ABCA6: variants seen among roughly 807,000 people sequenced by gnomAD.
ABCA6 encodes ATP-binding cassette sub-family A member 6.
Under a neutral mutation model 191.2 loss-of-function variants are expected in ABCA6, and 164 were observed. The ratio of observed to expected loss-of-function variants is 0.86; its 90% CI spans 0.76 to 0.98. ABCA6 has a LOEUF of 0.98. ABCA6 is among the 50% of genes least tolerant of loss of function. The pLI, the probability that ABCA6 is intolerant of heterozygous loss-of-function variation, is 0.00. For missense variants in ABCA6, 1,958 were observed against 1,894.1 expected (o/e 1.03, Z -0.63); for synonymous variants, 636 against 647.7 (o/e 0.98, Z 0.27).
In ABCA6 at chr17:69,114,783, A is replaced by C. The variant is rs1332023068; in HGVS notation, c.1761T>G (p.His587Gln). Residue 587 changes from histidine to glutamine, a missense_variant, in exon 13 of 39, where the codon CAT becomes CAG. His to Gln is a conservative substitution (Grantham distance 24, BLOSUM62 0). Coordinates refer to ENST00000284425, the MANE Select transcript of ABCA6 (RefSeq NM_080284.3). ...LSLFAKIKGI[H>Q]LKEVEQEVQR... ...CTACCTCTTGTTCCACTTCCTTTAG[A>C]TGAATCCCTTTTATTTTAGCAAACA... is the stretch of plus-strand genomic sequence containing the variant. 53 of 1,611,460 alleles carry C rather than the reference A, an allele frequency of 3.3e-5. No homozygotes were observed. Among genetic ancestry groups the C allele is most frequent in the Non-Finnish European group, 4.3e-5 (51 of 1,178,832 alleles).
chr17:69,080,435 A>G (rs1598436482), intron 37 of ABCA6, among the ~76,000 whole-genome samples: 1 of 152,078 alleles, frequency 6.6e-6, no homozygotes, highest in South Asian at 2.1e-4. Context: ...ATTACACCCA[A>G]TGGTCTGCTG....
At position 69,088,219 on chromosome 17, in the gene ABCA6, A is replaced by G; in HGVS notation, c.3646T>C (p.Cys1216Arg). Residue 1216 changes from cysteine to arginine, a missense_variant, in exon 28 of 39, where the codon TGC becomes CGC. Coordinates refer to ENST00000284425, the MANE Select transcript of ABCA6 (RefSeq NM_080284.3). ...TTCTTTCCACATTTTAGTTCCATGC[A>G]TCTTAGAACAAAAACGAATAGCAAA... is the stretch of plus-strand genomic sequence containing the variant. Reference protein sequence around the residue: ...QTLLFVFVLRCMELKCGKKRM... With the variant: ...QTLLFVFVLRRMELKCGKKRM... 2 of 1,612,698 alleles carry G rather than the reference A, an allele frequency of 1.2e-6. No homozygotes were observed. Among genetic ancestry groups the G allele is most frequent in the South Asian group, 1.1e-5 (1 of 90,758 alleles).
At chr17:69,086,821 C>G (rs740516) in intron 29 of ABCA6, 86 bp from the exon 30 acceptor site, 133,009 of 790,288 alleles carry the variant, frequency 0.17, 14,563 homozygotes, top group East Asian at 0.51. Flanking sequence ...ATGTCATAAG[C>G]CAAACCATAT....
chr17:69,083,095 A>T, intron 35 of ABCA6, 82 bp from the exon 36 acceptor site: 1 of 1,584,294 alleles, frequency 6.3e-7, no homozygotes, highest in East Asian at 2.2e-5. Flanking sequence ...AATGTAGAAG[A>T]AAAGGTGTCA....
rs374746478 is a variant in ABCA6, at chr17:69,106,109, C to A, written c.2492G>T (p.Gly831Val). The A allele has an allele frequency of 4.3e-6, 7 of 1,613,768 alleles. No individual in the cohort carries two copies. In the Admixed American group the frequency reaches 1.0e-4, roughly 23 times the overall value. ...GGCAAAGACTTGCATTCTCCAGAGG[C>A]CCATGTCACTCACAGCTGTCTGCAT... ...SEMQTAVSDM[G>V]LWRMQVFAMA... The change falls in exon 19 of 39, where the codon GGC (glycine) becomes GTC (valine). Residue 831 changes from glycine to valine, a missense_variant. Gly to Val is a moderately radical substitution (Grantham distance 109, BLOSUM62 -3). Transcript: ENST00000284425.
intron 17 of ABCA6, chr17:69,109,939 T>C (rs1474530338): frequency 2.0e-5 from 3 of 152,132 alleles, no homozygotes; most frequent in Non-Finnish European, 2.9e-5. Context: ...AAAAAAATCT[T>C]ATGCTGATGC....
Position 69,106,332 on chromosome 17 carries a change from C to A in ABCA6, c.2390-121G>T, listed in dbSNP as rs78327357. ...ACATGGCCAGGCATGGTGGCTTATG[C>A]CTGTAATCCCAGTACTCTGGGAGAC... On this transcript the variant is annotated intron_variant, in intron 18 of 38. Transcript: ENST00000284425. 0.041 allele frequency: 42,093 copies of A among 1,018,742 alleles called. 7,007 individuals are homozygous for A. In the African/African-American group the frequency reaches 0.44, roughly 11 times the overall value. 63.1% of individuals were successfully genotyped at this position (1,018,742 alleles called of 1,614,324 possible).
chr17:69,088,124 G>A lies in ABCA6; in HGVS notation c.3698+43C>T, dbSNP rs748978109. On this transcript the variant is annotated intron_variant, in intron 28 of 38. Transcript: ENST00000284425. ...GATAGCACAGACACCATCTAGGAAT[G>A]TTAAAATATGATATTAAGTATAAAG... 266 of 1,497,806 alleles carry A rather than the reference G, an allele frequency of 1.8e-4. 1 individual carries two copies. Among genetic ancestry groups the A allele is most frequent in the Non-Finnish European group, 1.9e-4 (208 of 1,088,130 alleles). The allele number at this position is 1,497,806 out of a possible 1,614,324, so 92.8% of individuals were successfully genotyped here.
At chr17:69,088,324 T>G in intron 27 of ABCA6, 66 bp from the exon 28 acceptor site, 4 of 1,259,148 alleles carry the variant, frequency 3.2e-6, no homozygotes, top group Non-Finnish European at 4.4e-6. Flanking sequence ...ATATTTGAAT[T>G]AAGTTGGTGG....
At position 69,110,887 on chromosome 17, in the gene ABCA6, T is replaced by C. The variant is rs745888230; in HGVS notation, c.2186A>G (p.His729Arg). Residue 729 changes from histidine (H) to arginine (R), a missense_variant, in exon 17 of 39, where the codon CAT becomes CGT. Coordinates refer to ENST00000284425, the MANE Select transcript of ABCA6 (RefSeq NM_080284.3). ...TTTTAATTTAGCATCGGGGATGTGA[T>C]GAGTAATGAAGGATGTTATTTGTTC... The part of the protein sequence containing the change: ...NPEQITSFIT[H>R]HIPDAKLKTE... 16 of 1,611,852 alleles carry C rather than the reference T, an allele frequency of 9.9e-6. No homozygotes were observed. In the East Asian group the frequency reaches 2.9e-4, roughly 29 times the overall value.
intron 25 of ABCA6, among the ~76,000 whole-genome samples, chr17:69,095,788 T>G (rs2073032508): frequency 6.6e-6 from 1 of 152,192 alleles, no homozygotes; most frequent in Non-Finnish European, 1.5e-5. Flanking sequence ...CCAGCAAAGT[T>G]TTCCATGATT....
intron 21 of ABCA6, 141 bp from the exon 22 acceptor site, chr17:69,101,075 T>G: frequency 1.6e-6 from 1 of 623,978 alleles, no homozygotes; most frequent in Non-Finnish European, 2.7e-6. Flanking sequence ...GAGCTTTACC[T>G]TCCTCATCTA....
intron 21 of ABCA6, 32 bp downstream of exon 21, chr17:69,102,802 GT>G: frequency 3.9e-6 from 6 of 1,552,094 alleles, no homozygotes; most frequent in South Asian, 2.5e-5. Context: ...AGTACTTTTT[GT>G]TTTTTTCATA....
Position 69,113,702 on chromosome 17 carries a change from GT to G in ABCA6, c.1817del (p.Asn606ThrfsTer10), listed in dbSNP as rs760687268. On this transcript the variant is annotated frameshift_variant, in exon 14 of 39. Transcript: ENST00000284425. LOFTEE classifies it high-confidence loss of function. Reference sequence around the variant, plus strand: ...AATGTTTAGCAAGGTTATCTTGAATGTTTTGCATGTCCAATTCCAATAATAT... The same window carrying G: ...AATGTTTAGCAAGGTTATCTTGAATGTTTGCATGTCCAATTCCAATAATAT... ...QRILLELDMQ[N>X]IQDNLAKHLS... The G allele has an allele frequency of 6.2e-7, 1 of 1,612,626 alleles. No individual in the cohort carries two copies. Among genetic ancestry groups the G allele is most frequent in the African/African-American group, 1.3e-5 (1 of 74,950 alleles).
At chr17:69,114,965 G>A in intron 12 of ABCA6, 28 bp from the exon 13 acceptor site, 2 of 1,524,274 alleles carry the variant, frequency 1.3e-6, no homozygotes, top group Non-Finnish European at 1.8e-6. Context: ...AAATAAAATT[G>A]GCAAGATAAT....
chr17:69,133,435 C>T (rs1462887145), intron 6 of ABCA6, among the ~76,000 whole-genome samples: 1 of 152,172 alleles, frequency 6.6e-6, no homozygotes, highest in Non-Finnish European at 1.5e-5. Flanking sequence ...TGGCTTAAGA[C>T]ATTCACGGCA....
At chr17:69,134,797 A>C in intron 4 of ABCA6, 55 bp from the exon 5 acceptor site, 2 of 1,229,596 alleles carry the variant, frequency 1.6e-6, no homozygotes, top group Non-Finnish European at 2.4e-6. Context: ...CAGTTGGAGA[A>C]TATGAAACAA....
At chr17:69,086,787 C>A in intron 29 of ABCA6, 52 bp from the exon 30 acceptor site, 1 of 1,300,722 alleles carries the variant, frequency 7.7e-7, no homozygotes, top group South Asian at 1.2e-5. Context: ...GACTTTAGGT[C>A]TCTGCTGGAA....
Position 69,106,222 on chromosome 17 carries a change from A to G in ABCA6, c.2390-11T>C, listed in dbSNP as rs768802447. ...CCACTTGTTCGAAATCTATAAACAC[A>G]CACATACACAAACACACATATTATA... On this transcript the variant is annotated splice_polypyrimidine_tract_variant and intron_variant, in intron 18 of 38. Transcript: ENST00000284425. 1 of 1,604,896 alleles carries G rather than the reference A, an allele frequency of 6.2e-7. No homozygotes were observed. Among genetic ancestry groups the G allele is most frequent in the East Asian group, 2.2e-5 (1 of 44,756 alleles).
Sources: allele counts gnomAD v4.1 joint callset (sites outside exome capture counted in the v4.1 genomes callset), GRCh38; gene constraint gnomAD v4.1.1; transcripts MANE v1.5; gene names NCBI Gene and HGNC (gene_info 2026-07-23, HGNC 2026-07-21).